KCNIP4: variants seen among roughly 807,000 people sequenced by gnomAD.
KCNIP4 encodes Kv channel-interacting protein 4.
Under a neutral mutation model 34.0 loss-of-function variants are expected in KCNIP4, and 12 were observed. The observed-to-expected ratio is 0.35, with a 90% CI of 0.23 to 0.57. KCNIP4 has a LOEUF of 0.57. KCNIP4 is among the 20% of genes least tolerant of loss of function. The probability of loss-of-function intolerance (pLI) is 0.83; values close to 1 mark genes in which losing one functional copy is unlikely to be tolerated. For missense variants in KCNIP4, 238 were observed against 311.7 expected (o/e 0.76, Z 1.78); for synonymous variants, 124 against 102.2 (o/e 1.21, Z -1.29).
intron 1 of KCNIP4, among the ~76,000 whole-genome samples, chr4:21,831,018 C>G (rs997723270): frequency 6.6e-6 from 1 of 152,094 alleles, no homozygotes; most frequent in Non-Finnish European, 1.5e-5. Flanking sequence ...GGAAAATTCA[C>G]AAGTATGTGG....
intron 1 of KCNIP4, among the ~76,000 whole-genome samples, chr4:21,747,228 A>G (rs1716837596): frequency 6.6e-6 from 1 of 152,154 alleles, no homozygotes; most frequent in Non-Finnish European, 1.5e-5. Flanking sequence ...ACTCTATGGG[A>G]AAAGATGGAG....
chr4:21,799,426 C>A (rs1720854591), intron 1 of KCNIP4, among the ~76,000 whole-genome samples: 1 of 152,156 alleles, frequency 6.6e-6, no homozygotes, highest in Non-Finnish European at 1.5e-5. Flanking sequence ...CTAATCCTGG[C>A]TTACTGTATT....
chr4:20,771,388 C>T (rs372937380), intron 3 of KCNIP4, among the ~76,000 whole-genome samples: 12 of 152,218 alleles, frequency 7.9e-5, no homozygotes, highest in African/African-American at 2.6e-4. Flanking sequence ...ATGTGTAAGC[C>T]ATTTTTTATT....
At chr4:21,315,448 G>C (rs1713639702) in intron 1 of KCNIP4, 1 of 152,038 alleles carries the variant, frequency 6.6e-6, no homozygotes. Context: ...TTAATCCACT[G>C]TTTGTAATAG....
Position 21,325,984 on chromosome 4 carries a change from T to C in KCNIP4, c.62-443275A>G, listed in dbSNP as rs184390672. Among the ~76,000 whole-genome samples the C allele has an allele frequency of 5.9e-5, 9 of 152,048 alleles. No individual in the cohort carries two copies. The South Asian group carries it at 8.3e-4, about 14-fold the overall frequency. On this transcript the variant is annotated intron_variant, in intron 1 of 8. Coordinates refer to ENST00000382152, the MANE Select transcript of KCNIP4 (RefSeq NM_025221.6). ...GATACTTGATATAATTTCAATTGTT[T>C]TGAATTTTTACAGACGTGTTTGTGG...
chr4:21,340,484 T>C (rs923191770), intron 1 of KCNIP4, among the ~76,000 whole-genome samples: 6 of 152,154 alleles, frequency 3.9e-5, no homozygotes, highest in Non-Finnish European at 5.9e-5. Flanking sequence ...TGTTCTGATA[T>C]GTATAGAATA....
intron 1 of KCNIP4, among the ~76,000 whole-genome samples, chr4:20,896,858 C>A (rs1726589616): frequency 6.6e-6 from 1 of 151,924 alleles, no homozygotes; most frequent in South Asian, 2.1e-4. Context: ...GTATATAGAA[C>A]AATGTCTGCA....
At chr4:20,750,070 G>A (rs1753316155) in intron 4 of KCNIP4, among the ~76,000 whole-genome samples, 1 of 152,164 alleles carries the variant, frequency 6.6e-6, no homozygotes, top group Admixed American at 6.5e-5. Context: ...TTAGTGTTTG[G>A]AAGAGACCAT....
In KCNIP4 at chr4:21,125,628, C is replaced by T. The variant is rs554197583; in HGVS notation, c.62-242919G>A. On this transcript the variant is annotated intron_variant, in intron 1 of 8. Transcript: ENST00000382152. ...TCCAACAAGTTCTCAGGTGACCGCA[C>T]GTTGGGAACCAGTGCAACACAGTAA... Among the ~76,000 whole-genome samples the T allele has an allele frequency of 3.4e-4, 51 of 152,170 alleles. No homozygotes were observed. In the South Asian group the frequency reaches 8.1e-3, roughly 24 times the overall value.
chr4:20,843,812 T>C (rs779960989), intron 3 of KCNIP4, among the ~76,000 whole-genome samples: 5 of 152,182 alleles, frequency 3.3e-5, no homozygotes, highest in Non-Finnish European at 5.9e-5. Flanking sequence ...ATATATTAGA[T>C]TGATGCAAAA....
chr4:21,702,485 T>C (rs948030748), intron 1 of KCNIP4, among the ~76,000 whole-genome samples: 7 of 152,076 alleles, frequency 4.6e-5, no homozygotes, highest in Admixed American at 6.6e-5. Flanking sequence ...CAACATAATT[T>C]TCATGAATTA....
At chr4:21,349,047 G>A (rs1386277781) in intron 1 of KCNIP4, among the ~76,000 whole-genome samples, 2 of 152,124 alleles carry the variant, frequency 1.3e-5, no homozygotes, top group African/African-American at 4.8e-5. Context: ...AATAAGATAT[G>A]GTTCAAGAAC....
intron 1 of KCNIP4, among the ~76,000 whole-genome samples, chr4:21,636,130 G>T: frequency 7.9e-6 from 1 of 125,804 alleles, no homozygotes; most frequent in East Asian, 2.9e-4. Context: ...CACACTCTGG[G>T]GACTGTTGTG....
chr4:21,599,684 T>C (rs10938848), intron 1 of KCNIP4, among the ~76,000 whole-genome samples: 104,389 of 151,902 alleles, frequency 0.69, 36,333 homozygotes, highest in East Asian at 0.89. Flanking sequence ...CTAGTTCAGA[T>C]CTGTATTTTA....
chr4:20,769,090 C>G (rs890893477), intron 3 of KCNIP4, among the ~76,000 whole-genome samples: 1 of 137,310 alleles, frequency 7.3e-6, no homozygotes, highest in African/African-American at 2.7e-5. Flanking sequence ...AAAAAAAAAA[C>G]TGGCTCAAGT....
intron 1 of KCNIP4, among the ~76,000 whole-genome samples, chr4:21,720,986 A>G (rs1714787798): frequency 6.6e-6 from 1 of 152,248 alleles, no homozygotes; most frequent in East Asian, 1.9e-4. Flanking sequence ...ATACATGTGC[A>G]TGTGTCTTTA....
At chr4:21,056,388 G>T (rs1329209774) in intron 1 of KCNIP4, among the ~76,000 whole-genome samples, 1 of 152,118 alleles carries the variant, frequency 6.6e-6, no homozygotes, top group Non-Finnish European at 1.5e-5. Flanking sequence ...CCGCCTCCAT[G>T]ATGAATCATT....
intron 1 of KCNIP4, among the ~76,000 whole-genome samples, chr4:21,071,032 T>C (rs1476923757): frequency 6.6e-6 from 1 of 152,068 alleles, no homozygotes; most frequent in East Asian, 1.9e-4. Context: ...ATATGTAGTT[T>C]ATCAATATCT....
chr4:21,412,260 C>T (rs187979806), intron 1 of KCNIP4, among the ~76,000 whole-genome samples: 45 of 152,304 alleles, frequency 3.0e-4, no homozygotes, highest in Non-Finnish European at 6.5e-4. Flanking sequence ...TCTTACCTAA[C>T]CTGCTGCTTG....
Sources: allele counts gnomAD v4.1 joint callset (sites outside exome capture counted in the v4.1 genomes callset), GRCh38; gene constraint gnomAD v4.1.1; transcripts MANE v1.5; gene names NCBI Gene and HGNC (gene_info 2026-07-23, HGNC 2026-07-21).